STK10: variants seen among roughly 807,000 people sequenced by gnomAD.
The protein encoded by STK10 is serine/threonine kinase 10.
A neutral mutation model predicts 113.8 loss-of-function variants in STK10; 78 were observed. That is an observed-to-expected ratio of 0.69 (90% CI 0.57 to 0.83). The LOEUF is 0.83. Ranked by LOEUF, STK10 falls within the 40% of genes least tolerant of loss-of-function variation. STK10 has a pLI of 0.00. For missense variants in STK10, 1,109 were observed against 1,280.1 expected (o/e 0.87, Z 2.04); for synonymous variants, 465 against 494.7 (o/e 0.94, Z 0.80).
chr5:172,094,621 T>G (rs1354198233), intron 8 of STK10, among the ~76,000 whole-genome samples: 1 of 152,166 alleles, frequency 6.6e-6, no homozygotes, highest in African/African-American at 2.4e-5. Context: ...TGGACTCAAG[T>G]GATCTGCCCG....
intron 3 of STK10, among the ~76,000 whole-genome samples, chr5:172,126,560 T>C (rs1769623686): frequency 6.6e-6 from 1 of 152,060 alleles, no homozygotes; most frequent in Non-Finnish European, 1.5e-5. Flanking sequence ...TGAGACTCCA[T>C]CTCAAAAATA....
At chr5:172,075,505 C>T (rs944628357) in intron 12 of STK10, among the ~76,000 whole-genome samples, 1 of 151,886 alleles carries the variant, frequency 6.6e-6, no homozygotes, top group Non-Finnish European at 1.5e-5. Flanking sequence ...GGTGAAACCC[C>T]ATCTCTACTA....
At chr5:172,124,476 G>A (rs564364012) in intron 3 of STK10, among the ~76,000 whole-genome samples, 53 of 152,256 alleles carry the variant, frequency 3.5e-4, no homozygotes, top group Non-Finnish European at 6.5e-4. Context: ...GCTGAGAGAA[G>A]GCACACCCAA....
intron 3 of STK10, among the ~76,000 whole-genome samples, chr5:172,124,875 T>A (rs1044258528): frequency 7.0e-6 from 1 of 143,236 alleles, no homozygotes; most frequent in Non-Finnish European, 1.5e-5. Context: ...TGGTCTTTAG[T>A]ATATATATAT....
chr5:172,094,455 T>C (rs909665963), intron 8 of STK10, among the ~76,000 whole-genome samples: 10 of 152,284 alleles, frequency 6.6e-5, no homozygotes, highest in African/African-American at 2.4e-4. Context: ...CTCCACCTCC[T>C]GGGTTCCCAC....
At chr5:172,099,720 G>A (rs192874441) in intron 7 of STK10, among the ~76,000 whole-genome samples, 14 of 152,312 alleles carry the variant, frequency 9.2e-5, no homozygotes, top group South Asian at 6.2e-4. Context: ...TCCACACTGC[G>A]CAATCTAACA....
At chr5:172,075,891 G>A (rs1257404366) in intron 12 of STK10, among the ~76,000 whole-genome samples, 1 of 152,180 alleles carries the variant, frequency 6.6e-6, no homozygotes, top group African/African-American at 2.4e-5. Flanking sequence ...TCGTTGTGAT[G>A]TAAAATGATC....
intron 2 of STK10, among the ~76,000 whole-genome samples, chr5:172,147,628 G>A (rs1475141305): frequency 2.0e-5 from 3 of 152,102 alleles, no homozygotes; most frequent in Non-Finnish European, 2.9e-5. Flanking sequence ...TTCTGACCTC[G>A]TGATCTGCCC....
chr5:172,044,986 G>T lies in STK10; in HGVS notation c.2803C>A (p.Gln935Lys). ...TCGCTCAGCTTGAAGAACATCTCCT[G>T]CTCCCGCTTCTTCTGGTTCAGATCC... ...EEDLNQKKRE[Q>K]EMFFKLSEEA... Residue 935 changes from glutamine to lysine, a missense_variant, in exon 19 of 19, where the codon CAG becomes AAG. Transcript: ENST00000176763. The surrounding 1 kb of genome is among the most constrained non-coding windows in gnomAD (Gnocchi z 4.5). The T allele has an allele frequency of 6.2e-7, 1 of 1,614,202 alleles. No individual in the cohort carries two copies. Among genetic ancestry groups the T allele is most frequent in the Non-Finnish European group, 8.5e-7 (1 of 1,180,042 alleles).
intron 1 of STK10, among the ~76,000 whole-genome samples, chr5:172,186,970 G>C (rs1185283449): frequency 6.6e-6 from 1 of 152,128 alleles, no homozygotes; most frequent in Admixed American, 6.6e-5. Context: ...TAGTGGCTTA[G>C]AAGAGAGGTG....
At chr5:172,152,706 G>A (rs1298460748) in intron 2 of STK10, among the ~76,000 whole-genome samples, 3 of 152,210 alleles carry the variant, frequency 2.0e-5, no homozygotes, top group Non-Finnish European at 4.4e-5. Flanking sequence ...AACAACTTGG[G>A]TGTGTGAATC....
rs1160484410 is a variant in STK10, at chr5:172,151,218, T to C, written c.321+5406A>G. Among the ~76,000 whole-genome samples, 7 of 152,302 alleles carry C rather than the reference T, an allele frequency of 4.6e-5. No individual in the cohort carries two copies. In the East Asian group the frequency reaches 1.4e-3, roughly 29 times the overall value. On this transcript the variant is annotated intron_variant, in intron 2 of 18. Transcript: ENST00000176763. ...TACTGTGAAGATCCCCATTCTACAG[T>C]TGAGAAAACTGAGGCACAAGGACAG...
In STK10 at chr5:172,043,782, CT is replaced by C. The variant is rs1767433444; in HGVS notation, c.*1099del. On this transcript the variant is annotated 3_prime_UTR_variant, in exon 19 of 19. Transcript: ENST00000176763. ...TGGGGCAGGGGCATTCCATTTCCCC[CT>C]GATGCTTTTTCTTCCTGAAGAGAAG... is the stretch of plus-strand genomic sequence containing the variant. 1 of 152,200 alleles carries C rather than the reference CT, an allele frequency of 6.6e-6. No homozygotes were observed. The highest frequency in any genetic ancestry group is 6.5e-5 in the Admixed American group (1 of 15,268). 9.4% of individuals were successfully genotyped at this position (152,200 alleles called of 1,614,324 possible).
Position 172,064,776 on chromosome 5 carries a change from G to T in STK10, c.2026C>A (p.Arg676=), listed in dbSNP as rs768728079. 6.2e-7 allele frequency: 1 copy of T among 1,614,088 alleles called. No homozygotes were observed. The highest frequency in any genetic ancestry group is 2.2e-5 in the East Asian group (1 of 44,886). Residue 676 remains arginine, a synonymous_variant, in exon 13 of 19, where the codon CGG becomes AGG. Coordinates refer to ENST00000176763, the MANE Select transcript of STK10 (RefSeq NM_005990.4). ...NEVEKLPRQQ[R]KESMKQKMEE... is the part of the protein sequence containing the mutation. ...ATCTTCTGCTTCATGCTTTCCTTCC[G>T]CTGCTGTCGGGGGAGCTTCTCCACC...
chr5:172,087,766 C>T (rs1418327760), intron 10 of STK10, among the ~76,000 whole-genome samples: 1 of 132,322 alleles, frequency 7.6e-6, no homozygotes, highest in Non-Finnish European at 1.6e-5. Context: ...GTAGCTGGGA[C>T]TACAGGCGCC....
At chr5:172,047,232 CAA>C (rs1165359435) in intron 18 of STK10, among the ~76,000 whole-genome samples, 1 of 152,206 alleles carries the variant, frequency 6.6e-6, no homozygotes, top group Non-Finnish European at 1.5e-5. Flanking sequence ...AAGAATTCTG[CAA>C]AGAGGCAGCC....
chr5:172,046,390 A>G (rs1396889002), intron 18 of STK10, among the ~76,000 whole-genome samples: 1 of 151,720 alleles, frequency 6.6e-6, no homozygotes, highest in Non-Finnish European at 1.5e-5. Context: ...TTACATCACT[A>G]TGTTGGCCAA....
At chr5:172,056,401 C>T (rs1159847440) in intron 15 of STK10, among the ~76,000 whole-genome samples, 1 of 152,188 alleles carries the variant, frequency 6.6e-6, no homozygotes, top group Non-Finnish European at 1.5e-5. Context: ...GTGCTTTGGC[C>T]ACACAGAGTA....
chr5:172,057,681 A>G (rs151038072), intron 14 of STK10, among the ~76,000 whole-genome samples: 211 of 152,306 alleles, frequency 1.4e-3, no homozygotes, highest in African/African-American at 4.9e-3. Flanking sequence ...AAGGAATGAG[A>G]GCTCCCAGGA....
Sources: allele counts gnomAD v4.1 joint callset (sites outside exome capture counted in the v4.1 genomes callset), GRCh38; gene constraint gnomAD v4.1.1; non-coding constraint Gnocchi (gnomAD v3.1); transcripts MANE v1.5; gene names NCBI Gene and HGNC (gene_info 2026-07-23, HGNC 2026-07-21).